GRID2IP: variants seen among roughly 807,000 people sequenced by gnomAD.
GRID2IP encodes Grid2 interacting protein, also known as delphilin.
Under a neutral mutation model 114.3 loss-of-function variants are expected in GRID2IP, and 78 were observed. The ratio of observed to expected loss-of-function variants is 0.68; its 90% CI spans 0.57 to 0.82. The LOEUF (loss-of-function observed/expected upper bound fraction) is 0.82, where lower values mean the gene tolerates loss of function less well. Among genes scored for constraint, GRID2IP ranks in the 40% least tolerant of loss-of-function variants. GRID2IP has a pLI of 0.00. For synonymous variants in GRID2IP, 809 were observed against 724.0 expected (o/e 1.12, Z -1.89); for missense variants, 1,727 against 1,678.5 (o/e 1.03, Z -0.51).
At chr7:6,529,961 C>CTCTCT (rs755576759) in intron 2 of GRID2IP, among the ~76,000 whole-genome samples, 10 of 111,840 alleles carry the variant, frequency 8.9e-5, no homozygotes, top group African/African-American at 2.0e-4. Flanking sequence ...CTCTCTCTCT[C>CTCTCT]TTTTTTTTTT....
Position 6,510,612 on chromosome 7 carries a change from C to A in GRID2IP, c.1650G>T (p.Lys550Asn). ...GTSLPETPNP[K>N]MMSAVYAELE... ...TGGAGGGCAGAGAAGGTCTCACCAT[C>A]TTGGGGTTGGGGGTCTCAGGGAGGG... Residue 550 changes from lysine to asparagine, a missense_variant, in exon 10 of 22, where the codon AAG becomes AAT. Coordinates refer to ENST00000457091, the MANE Select transcript of GRID2IP (RefSeq NM_001145118.2). 6.5e-7 allele frequency: 1 copy of A among 1,535,404 alleles called. No individual in the cohort carries two copies. The highest frequency in any genetic ancestry group is 8.8e-7 in the Non-Finnish European group (1 of 1,141,286).
chr7:6,518,402 A>G (rs1028609862), intron 7 of GRID2IP, among the ~76,000 whole-genome samples: 2 of 152,110 alleles, frequency 1.3e-5, no homozygotes, highest in African/African-American at 2.4e-5. Flanking sequence ...ATAGAAGAAA[A>G]TCAAATAAAA....
rs1467847863 is a variant in GRID2IP, at chr7:6,532,374, G to A, written c.585-5605C>T. Among the ~76,000 whole-genome samples the A allele has an allele frequency of 2.6e-5, 4 of 152,238 alleles. No homozygotes were observed. Among genetic ancestry groups the A allele is most frequent in the South Asian group, 4.1e-4 (2 of 4,822 alleles). On this transcript the variant is annotated intron_variant, in intron 2 of 21. Transcript: ENST00000457091. The surrounding 1 kb of genome is among the most constrained non-coding windows in gnomAD (Gnocchi z 4.4). ...GACTTTCCCTCTGTCTCACTCAGAG[G>A]GACAGCTCCCATGGGGCAGCCTGTG...
At position 6,520,678 on chromosome 7, in the gene GRID2IP, G is replaced by T; in HGVS notation, c.1168C>A (p.Arg390=). ...WVAEILPSSI[R]VQGRTFSQQL... is the part of the protein sequence containing the mutation. ...TGGCTGAAGGTCCTCCCTTGGACCC[G>T]GATGCTGGACGGCAGGATCTCCGCC... is the stretch of plus-strand genomic sequence containing the variant. Residue 390 remains arginine (R), a synonymous_variant, in exon 7 of 22, where the codon CGG becomes AGG. Coordinates refer to ENST00000457091, the MANE Select transcript of GRID2IP (RefSeq NM_001145118.2). The surrounding 1 kb of genome is among the most constrained non-coding windows in gnomAD (Gnocchi z 4.6). The T allele has an allele frequency of 6.4e-7, 1 of 1,551,738 alleles. No individual in the cohort carries two copies. Among genetic ancestry groups the T allele is most frequent in the Non-Finnish European group, 8.7e-7 (1 of 1,147,004 alleles).
rs995749458 is a variant in GRID2IP at position 6,509,740 on chromosome 7, C to T, written c.1772-427G>A. ...CAGAGCAACTGTCTTCCCAGCTGTG[C>T]CAACGCTGGTACAACGCGTTGCACT... is the stretch of plus-strand genomic sequence containing the variant. On this transcript the variant is annotated intron_variant, in intron 11 of 21. Coordinates refer to ENST00000457091, the MANE Select transcript of GRID2IP (RefSeq NM_001145118.2). The surrounding 1 kb of genome is among the most constrained non-coding windows in gnomAD (Gnocchi z 4.9). Among the ~76,000 whole-genome samples the T allele has an allele frequency of 6.6e-6, 1 of 152,204 alleles. No homozygotes were observed. Among genetic ancestry groups the T allele is most frequent in the Non-Finnish European group, 1.5e-5 (1 of 68,020 alleles).
chr7:6,525,419 C>G (rs2115078204), intron 4 of GRID2IP, among the ~76,000 whole-genome samples: 1 of 152,212 alleles, frequency 6.6e-6, no homozygotes, highest in South Asian at 2.1e-4. Context: ...CTCAGGAGTT[C>G]AAGACCAACC....
intron 1 of GRID2IP, among the ~76,000 whole-genome samples, chr7:6,545,505 G>C (rs1779873464): frequency 6.6e-6 from 1 of 152,140 alleles, no homozygotes; most frequent in Admixed American, 6.6e-5. Context: ...CTTGAACTCT[G>C]GAACTGTATA....
intron 18 of GRID2IP, among the ~76,000 whole-genome samples, 197 bp downstream of exon 18, chr7:6,502,589 C>T (rs1303562405): frequency 1.3e-5 from 2 of 150,192 alleles, no homozygotes; most frequent in Non-Finnish European, 3.0e-5. Context: ...GGAGTGTGTT[C>T]CCCCACCCCA....
At chr7:6,527,107 C>T (rs924734330) in intron 2 of GRID2IP, among the ~76,000 whole-genome samples, 1 of 152,070 alleles carries the variant, frequency 6.6e-6, no homozygotes, top group Non-Finnish European at 1.5e-5. Flanking sequence ...TCCTCTCCCC[C>T]CACTCCCTCT....
rs1437736092 is a variant in GRID2IP, at chr7:6,509,699, C to G, written c.1772-386G>C. Among the ~76,000 whole-genome samples the G allele has an allele frequency of 2.0e-5, 3 of 152,214 alleles. No individual in the cohort carries two copies. The highest frequency in any genetic ancestry group is 4.4e-5 in the Non-Finnish European group (3 of 68,034). On this transcript the variant is annotated intron_variant, in intron 11 of 21. Coordinates refer to ENST00000457091, the MANE Select transcript of GRID2IP (RefSeq NM_001145118.2). This position sits in a 1 kb window ranked among gnomAD's most constrained non-coding sequence, Gnocchi z 4.9. Reference sequence around the variant, plus strand: ...GATCACAGGAGGGCCTCCCAGGGCTCCTGCCTTCTGAGCTGCAGAGCAACT... The same window carrying G: ...GATCACAGGAGGGCCTCCCAGGGCTGCTGCCTTCTGAGCTGCAGAGCAACT...
chr7:6,510,493 G>A, intron 10 of GRID2IP, 93 bp from the exon 11 acceptor site: 1 of 1,295,954 alleles, frequency 7.7e-7, no homozygotes. Flanking sequence ...GCAGGGATAT[G>A]CCCCAGCCTG....
intron 2 of GRID2IP, among the ~76,000 whole-genome samples, chr7:6,527,006 G>T (rs115745057): frequency 6.6e-6 from 1 of 152,230 alleles, no homozygotes; most frequent in African/African-American, 2.4e-5. Context: ...CTCGGGAATG[G>T]CCCGTTCGGA....
intron 1 of GRID2IP, 34 bp downstream of exon 1, chr7:6,550,974 C>A: frequency 4.4e-6 from 5 of 1,139,124 alleles, no homozygotes; most frequent in Non-Finnish European, 5.5e-6. Context: ...GAGCCCCCTC[C>A]TTCCCGCCCC....
chr7:6,549,317 T>G (rs979162600), intron 1 of GRID2IP, among the ~76,000 whole-genome samples: 2 of 152,354 alleles, frequency 1.3e-5, no homozygotes, highest in African/African-American at 2.4e-5. Context: ...GCCTCCATCT[T>G]GGCTTGTGGC....
rs1327367459 is a variant in GRID2IP, at chr7:6,497,775, C to T, written c.3635G>A (p.Ter1212=). 9 of 1,549,358 alleles carry T rather than the reference C, an allele frequency of 5.8e-6. No individual in the cohort carries two copies. Among genetic ancestry groups the T allele is most frequent in the African/African-American group, 4.1e-5 (3 of 73,046 alleles). Reference sequence around the variant, plus strand: ...GCAGAGGACGCGGTGTGGCCACTGTCACCAGGCCAGGGGTGAAACCATCCC... The same window carrying T: ...GCAGAGGACGCGGTGTGGCCACTGTTACCAGGCCAGGGGTGAAACCATCCC... ...SSGMVSPLAW[*] is the part of the protein sequence containing the mutation. The change falls in exon 22 of 22, where the codon TGA becomes TAA. Residue 1212 remains the stop codon, a stop_retained_variant. Transcript: ENST00000457091.
rs1003510252 is a variant in GRID2IP, at chr7:6,526,539, C to T, written c.815G>A (p.Gly272Asp). 57 of 1,226,628 alleles carry T rather than the reference C, an allele frequency of 4.6e-5. No homozygotes were observed. In the African/African-American group the frequency reaches 7.9e-4, roughly 17 times the overall value. The allele number at this position is 1,226,628 out of a possible 1,614,324, so 76.0% of individuals were successfully genotyped here. Reference sequence around the variant, plus strand: ...CGCGTACCTGCGCGCGCCCCCGGGGCCGGCGAGGCCGCCCACCAGCAAGGA... The same window carrying T: ...CGCGTACCTGCGCGCGCCCCCGGGGTCGGCGAGGCCGCCCACCAGCAAGGA... ...RASLLVGGLA[G>D]PGGARRTVRV... Residue 272 changes from glycine (G) to aspartate (D), a missense_variant, in exon 3 of 22, where the codon GGC becomes GAC. By Grantham distance (94) the Gly-to-Asp change is moderately conservative (BLOSUM62 -1). Transcript: ENST00000457091. The surrounding 1 kb of genome is among the most constrained non-coding windows in gnomAD (Gnocchi z 7.6).
Position 6,520,705 on chromosome 7 carries a change from C to T in GRID2IP, c.1141G>A (p.Val381Met). The change falls in exon 7 of 22, where the codon GTG becomes ATG. Residue 381 changes from valine to methionine, a missense_variant. Coordinates refer to ENST00000457091, the MANE Select transcript of GRID2IP (RefSeq NM_001145118.2). The surrounding 1 kb of genome is among the most constrained non-coding windows in gnomAD (Gnocchi z 4.6). The stretch of plus-strand genomic sequence containing the variant: ...ATGCTGGACGGCAGGATCTCCGCCA[C>T]CCACTGCAGGGAGGTGAGCGCCGAC... The part of the protein sequence containing the change: ...PSSALTSLQW[V>M]AEILPSSIRV... 6.4e-7 allele frequency: 1 copy of T among 1,551,718 alleles called. No homozygotes were observed. The highest frequency in any genetic ancestry group is 8.7e-7 in the Non-Finnish European group (1 of 1,146,996).
intron 1 of GRID2IP, among the ~76,000 whole-genome samples, chr7:6,543,289 C>T (rs561229815): frequency 1.3e-4 from 20 of 151,654 alleles, no homozygotes; most frequent in Non-Finnish European, 2.5e-4. Context: ...CCCAGTTACT[C>T]GGGAGGCTGA....
Position 6,528,072 on chromosome 7 carries a change from AT to A in GRID2IP, c.585-1304del, listed in dbSNP as rs71775934. 0.093 allele frequency among the ~76,000 whole-genome samples: 14,039 copies of A among 150,364 alleles called. 739 individuals carry two copies. Among genetic ancestry groups the A allele is most frequent in the Middle Eastern group, 0.13 (38 of 292 alleles). ...TGCCCGGCATTTTTTTTTCTTTTTAATTTTTTTTGTAGAGATGAGGCTCTAT... is the reference window on the plus strand; with the variant it reads ...TGCCCGGCATTTTTTTTTCTTTTTAATTTTTTTGTAGAGATGAGGCTCTAT... On this transcript the variant is annotated intron_variant, in intron 2 of 21. Transcript: ENST00000457091. The surrounding 1 kb of genome is among the most constrained non-coding windows in gnomAD (Gnocchi z 6.0).
Sources: gnomAD v4.1 joint callset for allele counts (sites outside exome capture counted in the v4.1 genomes callset) on GRCh38, gnomAD v4.1.1 for gene constraint, Gnocchi (gnomAD v3.1) non-coding constraint, MANE v1.5 for transcripts, NCBI Gene and HGNC (gene_info 2026-07-23, HGNC 2026-07-21) for gene names.